CLEC16A: variants seen among roughly 807,000 people sequenced by gnomAD.
CLEC16A encodes the protein protein CLEC16A.
A neutral mutation model predicts 109.5 loss-of-function variants in CLEC16A; 51 were observed. That is an observed-to-expected ratio of 0.47 (90% CI 0.37 to 0.59). CLEC16A has a LOEUF of 0.59. Among genes scored for constraint, CLEC16A ranks in the 20% least tolerant of loss-of-function variants. The pLI, the probability that CLEC16A is intolerant of heterozygous loss-of-function variation, is 0.00. For synonymous variants in CLEC16A, 673 were observed against 564.2 expected (o/e 1.19, Z -2.73); for missense variants, 1,339 against 1,394.0 (o/e 0.96, Z 0.63).
intron 13 of CLEC16A, among the ~76,000 whole-genome samples, chr16:11,025,924 A>G (rs2046381064): frequency 6.6e-6 from 1 of 152,208 alleles, no homozygotes; most frequent in Admixed American, 6.5e-5. Flanking sequence ...AAGTAGGAGT[A>G]TATATGGTTT....
At chr16:11,079,569 C>T (rs2049585820) in intron 19 of CLEC16A, among the ~76,000 whole-genome samples, 1 of 152,188 alleles carries the variant, frequency 6.6e-6, no homozygotes, top group Non-Finnish European at 1.5e-5. Context: ...GGTTTTTCAA[C>T]TTGGCACATC....
At chr16:11,145,105 A>G (rs1014260573) in intron 22 of CLEC16A, among the ~76,000 whole-genome samples, 1 of 152,166 alleles carries the variant, frequency 6.6e-6, no homozygotes, top group Admixed American at 6.5e-5. Context: ...GATAGGGGTC[A>G]GCAGGAGATA....
chr16:11,030,822 T>C (rs112332268), intron 13 of CLEC16A, among the ~76,000 whole-genome samples: 19,711 of 152,128 alleles, frequency 0.13, 1,278 homozygotes, highest in South Asian at 0.14. Flanking sequence ...TTTTTGTATT[T>C]TTAGTAGTGA....
intron 11 of CLEC16A, among the ~76,000 whole-genome samples, chr16:11,015,806 A>G (rs533042098): frequency 1.3e-5 from 2 of 152,216 alleles, no homozygotes; most frequent in Non-Finnish European, 2.9e-5. Flanking sequence ...CTTAGGAAGT[A>G]CTTGGAGCTG....
intron 19 of CLEC16A, among the ~76,000 whole-genome samples, chr16:11,077,631 C>G (rs1488936318): frequency 6.6e-6 from 1 of 151,872 alleles, no homozygotes; most frequent in Non-Finnish European, 1.5e-5. Flanking sequence ...TGCACTTCAG[C>G]CTAGGGGACA....
chr16:10,997,156 C>T (rs752122033), intron 10 of CLEC16A, among the ~76,000 whole-genome samples: 8 of 152,092 alleles, frequency 5.3e-5, no homozygotes, highest in Non-Finnish European at 1.2e-4. Flanking sequence ...GAGACAAGGT[C>T]TCACCATGCT....
intron 22 of CLEC16A, among the ~76,000 whole-genome samples, chr16:11,143,478 C>A (rs909077236): frequency 2.0e-5 from 3 of 152,180 alleles, no homozygotes; most frequent in African/African-American, 7.2e-5. Flanking sequence ...CTTGTAAAAA[C>A]CATGCCACTT....
At chr16:10,976,802 T>G (rs1176197747) in intron 7 of CLEC16A, among the ~76,000 whole-genome samples, 1 of 152,180 alleles carries the variant, frequency 6.6e-6, no homozygotes, top group East Asian at 1.9e-4. Context: ...TATGTCTGCA[T>G]GTCGTCAGGG....
chr16:11,140,199 G>A (rs2053758623), intron 22 of CLEC16A, among the ~76,000 whole-genome samples: 2 of 152,148 alleles, frequency 1.3e-5, no homozygotes, highest in Non-Finnish European at 2.9e-5. Flanking sequence ...TTCTGAGCAC[G>A]ATGACCTCAC....
chr16:10,985,202 CA>C (rs1157089518), intron 10 of CLEC16A, among the ~76,000 whole-genome samples: 73 of 103,696 alleles, frequency 7.0e-4, no homozygotes, highest in African/African-American at 1.5e-3. Context: ...GACTCCATCT[CA>C]AAAAAAAAAA....
At chr16:11,000,699 A>T (rs1027290952) in intron 10 of CLEC16A, among the ~76,000 whole-genome samples, 10 of 152,234 alleles carry the variant, frequency 6.6e-5, no homozygotes, top group Non-Finnish European at 1.3e-4. Flanking sequence ...AGAATCATGC[A>T]GCAATTTATG....
Position 11,017,000 on chromosome 16 carries a change from C to CG in CLEC16A, c.1304-3182dup, listed in dbSNP as rs34524116. On this transcript the variant is annotated intron_variant, in intron 11 of 23. Transcript: ENST00000409790. ...GCCGGGGCCCATGTGAATATCGGGG[C>CG]GGGGGGGGGGGTGCTCCTCCATGCC... Among the ~76,000 whole-genome samples, 385 of 52,362 alleles carry CG rather than the reference C, an allele frequency of 7.4e-3. 3 individuals carry two copies. Among genetic ancestry groups the CG allele is most frequent in the Middle Eastern group, 0.042 (3 of 72 alleles). The allele number at this position is 52,362 out of a possible 152,430, so 34.4% of individuals were successfully genotyped here.
chr16:10,959,281 C>G lies in CLEC16A; in HGVS notation c.209+1371C>G, dbSNP rs551322971. Among the ~76,000 whole-genome samples the G allele has an allele frequency of 5.3e-5, 8 of 152,308 alleles. No homozygotes were observed. In the South Asian group the frequency reaches 1.7e-3, roughly 32 times the overall value. On this transcript the variant is annotated intron_variant, in intron 2 of 23. Coordinates refer to ENST00000409790, the MANE Select transcript of CLEC16A (RefSeq NM_015226.3). The stretch of plus-strand genomic sequence containing the variant: ...AAAGCTACTTGTGGAAATGCAGACT[C>G]TTTAAAATGCAAACCTGTAAACAGT...
intron 19 of CLEC16A, among the ~76,000 whole-genome samples, chr16:11,072,217 C>T (rs1486168732): frequency 6.6e-6 from 1 of 152,060 alleles, no homozygotes; most frequent in Non-Finnish European, 1.5e-5. Context: ...GAACTCCTGG[C>T]CTCAAGCGAT....
At chr16:11,158,362 C>T (rs894803428) in intron 22 of CLEC16A, among the ~76,000 whole-genome samples, 2 of 152,176 alleles carry the variant, frequency 1.3e-5, no homozygotes, top group African/African-American at 4.8e-5. Flanking sequence ...GGTTGCTTCT[C>T]CCGAATCAGC....
chr16:11,108,074 C>T (rs1467682630), intron 19 of CLEC16A, among the ~76,000 whole-genome samples: 1 of 152,246 alleles, frequency 6.6e-6, no homozygotes, highest in African/African-American at 2.4e-5. Context: ...CCACAAAGAA[C>T]CGTCTCCATC....
intron 7 of CLEC16A, 23 bp downstream of exon 7, chr16:10,973,084 C>T (rs775473849): frequency 5.7e-6 from 9 of 1,585,742 alleles, no homozygotes; most frequent in Non-Finnish European, 6.9e-6. Flanking sequence ...CCCAGGGCCA[C>T]TCAGTAGATA....
intron 19 of CLEC16A, among the ~76,000 whole-genome samples, chr16:11,077,585 G>A (rs1567285813): frequency 6.6e-6 from 1 of 151,936 alleles, no homozygotes; most frequent in African/African-American, 2.4e-5. Context: ...TGAAACCTGG[G>A]GAGATTGAGG....
Position 11,178,473 on chromosome 16 carries a change from G to C in CLEC16A, c.2945G>C (p.Ser982Thr), listed in dbSNP as rs72650689. 6.2e-7 allele frequency: 1 copy of C among 1,613,696 alleles called. No homozygotes were observed. The highest frequency in any genetic ancestry group is 8.5e-7 in the Non-Finnish European group (1 of 1,179,898). ...GTGGAGACAGCCAGCCTGTCCCCCAGCCTCGTCCCTGCCCGGCAGCCCACC... is the reference window on the plus strand; with the variant it reads ...GTGGAGACAGCCAGCCTGTCCCCCACCCTCGTCCCTGCCCGGCAGCCCACC... ...AAVETASLSPSLVPARQPTIS... is the reference protein window; with the variant it reads ...AAVETASLSPTLVPARQPTIS... Residue 982 changes from serine (S) to threonine (T), a missense_variant, in exon 24 of 24, where the codon AGC becomes ACC. Ser to Thr is a moderately conservative substitution (Grantham distance 58, BLOSUM62 1). This residue lies in a region of CLEC16A where 1,061 missense variants were observed against 1,006.8 expected (regional missense o/e 1.05). Transcript: ENST00000409790. The surrounding 1 kb of genome is among the most constrained non-coding windows in gnomAD (Gnocchi z 6.5).
Sources: gnomAD v4.1 joint callset for allele counts (sites outside exome capture counted in the v4.1 genomes callset) on GRCh38, gnomAD v4.1.1 for gene constraint, gnomAD v4.1.1 regional missense constraint, Gnocchi (gnomAD v3.1) non-coding constraint, MANE v1.5 for transcripts, NCBI Gene and HGNC (gene_info 2026-07-23, HGNC 2026-07-21) for gene names.